RHBDL2: variants seen among roughly 807,000 people sequenced by gnomAD.
RHBDL2 encodes rhomboid like 2, also known as rhomboid-related protein 2.
A neutral mutation model predicts 31.7 loss-of-function variants in RHBDL2; 26 were observed. The ratio of observed to expected loss-of-function variants is 0.82; its 90% CI spans 0.60 to 1.14. RHBDL2 has a LOEUF of 1.14. RHBDL2 is among the 50% of genes most tolerant of loss of function. The pLI is 0.00. For synonymous variants in RHBDL2, 123 were observed against 127.2 expected, an observed-to-expected ratio of 0.97 and a Z score of 0.22; for missense variants, 336 against 364.4, an observed-to-expected ratio of 0.92 and a Z score of 0.63.
At position 38,886,411 on chromosome 1, in the gene RHBDL2, T is replaced by G. The variant is rs4491033; in HGVS notation, c.*93A>C. The G allele has an allele frequency of 0.44, 438,361 of 1,000,430 alleles. 97,602 individuals are homozygous for G. The highest frequency in any genetic ancestry group is 0.46 in the Admixed American group (15,665 of 33,690). The allele number at this position is 1,000,430 out of a possible 1,614,324, so 62.0% of individuals were successfully genotyped here. Reference sequence around the variant, plus strand: ...CCTCTATATAAAATTGTTAGCCTTTTCTGAGACTTCTCTGTTTCTTCATAG... The same window carrying G: ...CCTCTATATAAAATTGTTAGCCTTTGCTGAGACTTCTCTGTTTCTTCATAG... On this transcript the variant is annotated 3_prime_UTR_variant, in exon 8 of 8. Coordinates refer to ENST00000372990, the MANE Select transcript of RHBDL2 (RefSeq NM_017821.5).
At chr1:38,890,981 C>A (rs1262160014) in intron 6 of RHBDL2, among the ~76,000 whole-genome samples, 5 of 152,024 alleles carry the variant, frequency 3.3e-5, no homozygotes, top group African/African-American at 1.2e-4. Flanking sequence ...AGAATATTTA[C>A]AACTTGGCTG....
In RHBDL2 at chr1:38,919,340, GTA is replaced by G. The variant is rs1643280583; in HGVS notation, c.-125-5_-125-4del. ...ACGACTGCTTTCCAAGGCCTTTCCT[GTA>G]TGTGAAGAGAAGACAGCTGAAGATG... On this transcript the variant is annotated splice_region_variant and splice_polypyrimidine_tract_variant and intron_variant, in intron 1 of 7. Transcript: ENST00000372990. 3.2e-6 allele frequency: 5 copies of G among 1,582,634 alleles called. No individual in the cohort carries two copies. The highest frequency in any genetic ancestry group is 1.3e-5 in the African/African-American group (1 of 74,332).
rs779308312 is a variant in RHBDL2 at position 38,919,328 on chromosome 1, A to T, written c.-116T>A. 6.3e-7 allele frequency: 1 copy of T among 1,597,580 alleles called. No individual in the cohort carries two copies. Among genetic ancestry groups the T allele is most frequent in the Non-Finnish European group, 8.5e-7 (1 of 1,174,824 alleles). ...CTGTCTGGCGCAACGACTGCTTTCCAAGGCCTTTCCTGTATGTGAAGAGAA... is the reference window on the plus strand; with the variant it reads ...CTGTCTGGCGCAACGACTGCTTTCCTAGGCCTTTCCTGTATGTGAAGAGAA... On this transcript the variant is annotated 5_prime_UTR_variant, in exon 2 of 8. Coordinates refer to ENST00000372990, the MANE Select transcript of RHBDL2 (RefSeq NM_017821.5).
At chr1:38,933,951 A>C (rs1051796055) in intron 1 of RHBDL2, among the ~76,000 whole-genome samples, 3 of 151,988 alleles carry the variant, frequency 2.0e-5, no homozygotes, top group African/African-American at 7.2e-5. Context: ...TGGTCTCAAA[A>C]TCCTGACCTC....
chr1:38,929,679 C>G (rs1643419600), intron 1 of RHBDL2: 1 of 707,454 alleles, frequency 1.4e-6, no homozygotes, highest in South Asian at 6.3e-5. Flanking sequence ...TGCTGCCCAG[C>G]TGGGGCTGCC....
chr1:38,932,717 C>T (rs1246274664), intron 1 of RHBDL2, among the ~76,000 whole-genome samples: 2 of 152,204 alleles, frequency 1.3e-5, no homozygotes, highest in African/African-American at 4.8e-5. Context: ...ACCTTGGCCT[C>T]CTGAAGTGCT....
chr1:38,902,014 T>C (rs1293118476), intron 4 of RHBDL2, among the ~76,000 whole-genome samples: 1 of 151,510 alleles, frequency 6.6e-6, no homozygotes, highest in African/African-American at 2.4e-5. Context: ...ATGGACCTAA[T>C]TGACATGTAT....
intron 3 of RHBDL2, among the ~76,000 whole-genome samples, chr1:38,913,269 G>A (rs1487360580): frequency 6.6e-6 from 1 of 151,936 alleles, no homozygotes; most frequent in Admixed American, 6.6e-5. Context: ...ATGAGCCACT[G>A]CACCCAGCCT....
intron 1 of RHBDL2, among the ~76,000 whole-genome samples, chr1:38,940,604 G>A (rs1448888089): frequency 1.3e-5 from 2 of 152,114 alleles, no homozygotes; most frequent in Non-Finnish European, 2.9e-5. Flanking sequence ...ACAAGCCTAA[G>A]GTGAGGGAGT....
chr1:38,896,496 T>C (rs760624451), intron 4 of RHBDL2, among the ~76,000 whole-genome samples: 37 of 152,230 alleles, frequency 2.4e-4, no homozygotes, highest in Admixed American at 3.9e-4. Context: ...TGTTAGCTAT[T>C]AGGTTGGTGC....
chr1:38,888,901 C>T (rs1463931407), intron 6 of RHBDL2, among the ~76,000 whole-genome samples: 1 of 152,084 alleles, frequency 6.6e-6, no homozygotes, highest in Admixed American at 6.6e-5. Context: ...AAAGTTGTTT[C>T]CAACAACTTT....
intron 1 of RHBDL2, among the ~76,000 whole-genome samples, chr1:38,935,139 G>C (rs1570944633): frequency 6.6e-6 from 1 of 152,076 alleles, no homozygotes. Flanking sequence ...GATTTCACTT[G>C]TTCAGTTTAT....
rs772683850 is a variant in RHBDL2 at position 38,919,183 on chromosome 1, C to T, written c.30G>A (p.Glu10=). The T allele has an allele frequency of 6.2e-7, 1 of 1,614,126 alleles. No individual in the cohort carries two copies. Residue 10 remains glutamate (E), a synonymous_variant, in exon 2 of 8, where the codon GAG becomes GAA. Coordinates refer to ENST00000372990, the MANE Select transcript of RHBDL2 (RefSeq NM_017821.5). Reference sequence around the variant, plus strand: ...CTCTCCCCATATTCAGATTCATGCTCTCCATCTCCAGATCATGAACAGCAG... The same window carrying T: ...CTCTCCCCATATTCAGATTCATGCTTTCCATCTCCAGATCATGAACAGCAG... MAAVHDLEM[E]SMNLNMGREM... is the part of the protein sequence containing the mutation.
intron 1 of RHBDL2, among the ~76,000 whole-genome samples, chr1:38,933,726 ATTTTTTT>A (rs10579780): frequency 7.4e-6 from 1 of 135,340 alleles, no homozygotes. Context: ...GGTCTTCACA[ATTTTTTT>A]TTTTTTTTTT....
chr1:38,912,986 T>TGTGTG (rs1557616015), intron 3 of RHBDL2, among the ~76,000 whole-genome samples: 1 of 45,000 alleles, frequency 2.2e-5, no homozygotes, highest in African/African-American at 8.0e-5. Context: ...GTGTGTGTAT[T>TGTGTG]TTTTTTTTTT....
chr1:38,939,173 A>C (rs1339294928), intron 1 of RHBDL2, among the ~76,000 whole-genome samples: 1 of 152,216 alleles, frequency 6.6e-6, no homozygotes, highest in Non-Finnish European at 1.5e-5. Flanking sequence ...AGCCCAGAGC[A>C]GATCTACAGG....
rs1320808420 is a variant in RHBDL2 at position 38,931,697 on chromosome 1, G to GA, written c.-126+9984dup. Among the ~76,000 whole-genome samples the GA allele has an allele frequency of 5.8e-3, 823 of 141,620 alleles. 6 individuals are homozygous for GA. The highest frequency in any genetic ancestry group is 0.039 in the Admixed American group (554 of 14,162). 92.9% of individuals were successfully genotyped at this position (141,620 alleles called of 152,430 possible). A position where few individuals can be genotyped will look rare whatever the true frequency, so the allele number is the denominator to read the frequency against. On this transcript the variant is annotated intron_variant, in intron 1 of 7. Transcript: ENST00000372990. ...TGTGTTAGGCTCTGGAAACACATGG[G>GA]AAAAAAAAAAAAGAAAGAAAGAAAA...
chr1:38,929,264 C>G (rs1310037806), intron 1 of RHBDL2: 1 of 515,276 alleles, frequency 1.9e-6, no homozygotes, highest in Non-Finnish European at 3.2e-6. Context: ...GGTCACTACC[C>G]CTGGGAGAAG....
At chr1:38,914,714 G>A (rs368072939) in intron 3 of RHBDL2, among the ~76,000 whole-genome samples, 3 of 151,676 alleles carry the variant, frequency 2.0e-5, no homozygotes, top group Non-Finnish European at 4.4e-5. Context: ...TACTAATATT[G>A]GGCAGTTATA....
Sources: allele counts gnomAD v4.1 joint callset (sites outside exome capture counted in the v4.1 genomes callset), GRCh38; gene constraint gnomAD v4.1.1; transcripts MANE v1.5; gene names NCBI Gene and HGNC (gene_info 2026-07-23, HGNC 2026-07-21).